Variants in CHRNA7 observed in about 807,000 individuals in gnomAD.
The protein encoded by CHRNA7 is neuronal acetylcholine receptor subunit alpha-7.
Under a neutral mutation model 48.0 loss-of-function variants are expected in CHRNA7, and 17 were observed. The observed-to-expected ratio is 0.35, with a 90% CI of 0.24 to 0.53. CHRNA7 has a LOEUF of 0.53. CHRNA7 is among the 20% of genes least tolerant of loss of function. The pLI is 0.92. For missense variants in CHRNA7, 155 were observed against 577.7 expected, an observed-to-expected ratio of 0.27 and a Z score of 7.50; for synonymous variants, 75 against 242.3, an observed-to-expected ratio of 0.31 and a Z score of 6.41.
chr15:32,145,360 G>T (rs1207054456), intron 4 of CHRNA7, among the ~76,000 whole-genome samples: 1 of 152,144 alleles, frequency 6.6e-6, no homozygotes, highest in African/African-American at 2.4e-5. Flanking sequence ...CTCCCAGTCA[G>T]GCTACACGGG....
chr15:32,115,587 G>A (rs940210941), intron 4 of CHRNA7, among the ~76,000 whole-genome samples: 1 of 151,956 alleles, frequency 6.6e-6, no homozygotes, highest in Non-Finnish European at 1.5e-5. Flanking sequence ...TTATATGAGC[G>A]TCTTGCGGGG....
At chr15:32,111,633 T>C (rs1477472140) in intron 3 of CHRNA7, 157 bp from the exon 4 acceptor site, 4 of 566,288 alleles carry the variant, frequency 7.1e-6, no homozygotes, top group African/African-American at 3.8e-5. Context: ...TTGGAAAGGA[T>C]TTTTGAATTC....
At chr15:32,081,540 A>G (rs1285659003) in intron 2 of CHRNA7, among the ~76,000 whole-genome samples, 2 of 152,060 alleles carry the variant, frequency 1.3e-5, no homozygotes, top group South Asian at 2.1e-4. Context: ...GTAATACTCT[A>G]TTGTTTGAAT....
At chr15:32,089,500 A>G (rs1460933580) in intron 2 of CHRNA7, among the ~76,000 whole-genome samples, 3 of 152,166 alleles carry the variant, frequency 2.0e-5, no homozygotes, top group African/African-American at 7.2e-5. Context: ...TTCAAATTGC[A>G]TACAGGCATT....
chr15:32,153,008 C>T (rs972680496), intron 4 of CHRNA7, among the ~76,000 whole-genome samples: 23 of 152,068 alleles, frequency 1.5e-4, no homozygotes, highest in Admixed American at 9.8e-4. Context: ...GTCTAAAACT[C>T]GCACTTACTT....
chr15:32,137,031 C>CAAAAAAAAAA (rs775166263), intron 4 of CHRNA7, among the ~76,000 whole-genome samples: 19 of 63,812 alleles, frequency 3.0e-4, no homozygotes, highest in African/African-American at 6.8e-4. Flanking sequence ...GACTCCGTCT[C>CAAAAAAAAAA]AAAAAAAAAA....
chr15:32,030,631 G>A lies in CHRNA7; in HGVS notation c.37G>A (p.Ala13Thr). The A allele has an allele frequency of 6.4e-7, 1 of 1,571,278 alleles. No homozygotes were observed. The change falls in exon 1 of 10, where the codon GCC becomes ACC. Residue 13 changes from alanine (A) to threonine (T), a missense_variant. By Grantham distance (58) the Ala-to-Thr change is moderately conservative. Transcript: ENST00000306901. ...CSPGGVWLAL[A>T]ASLLHVSLQG... is the part of the protein sequence containing the mutation. ...GCCGGGAGGCGTCTGGCTGGCGCTG[G>A]CCGCGTCGCTCCTGCACGGTAAAGC...
At chr15:32,092,381 C>T (rs1047950442) in intron 2 of CHRNA7, among the ~76,000 whole-genome samples, 5 of 152,134 alleles carry the variant, frequency 3.3e-5, no homozygotes, top group Non-Finnish European at 5.9e-5. Flanking sequence ...GAAGCATGCC[C>T]TTCTTATTTG....
At chr15:32,035,003 G>A (rs1305091948) in intron 2 of CHRNA7, among the ~76,000 whole-genome samples, 1 of 152,118 alleles carries the variant, frequency 6.6e-6, no homozygotes. Context: ...TGTGGAGAAG[G>A]GGGCAGATTT....
At chr15:32,080,897 T>G (rs186698787) in intron 2 of CHRNA7, among the ~76,000 whole-genome samples, 8 of 152,286 alleles carry the variant, frequency 5.3e-5, no homozygotes, top group Middle Eastern at 3.4e-3. Flanking sequence ...TCAACCCAAA[T>G]TCTCATCAAT....
chr15:32,081,910 A>G (rs907873941), intron 2 of CHRNA7, among the ~76,000 whole-genome samples: 4 of 152,034 alleles, frequency 2.6e-5, no homozygotes, highest in African/African-American at 9.7e-5. Context: ...TGGCAACACA[A>G]TCTTTTAGTT....
intron 2 of CHRNA7, among the ~76,000 whole-genome samples, chr15:32,045,673 AT>A (rs1053469861): frequency 4.7e-4 from 71 of 150,174 alleles, no homozygotes; most frequent in South Asian, 2.1e-4. Context: ...AGTAGCTGGT[AT>A]TTTTTTTTAA....
intron 2 of CHRNA7, among the ~76,000 whole-genome samples, chr15:32,043,157 C>T (rs2049478198): frequency 6.6e-6 from 1 of 152,166 alleles, no homozygotes; most frequent in Admixed American, 6.5e-5. Context: ...TAAACAAATA[C>T]AGATTTTAAA....
intron 4 of CHRNA7, among the ~76,000 whole-genome samples, chr15:32,132,774 G>C (rs2141320242): frequency 6.6e-6 from 1 of 152,146 alleles, no homozygotes; most frequent in African/African-American, 2.4e-5. Flanking sequence ...TTTAACCCTG[G>C]TCAGCTCTTG....
chr15:32,149,723 G>GAAATCACTGAGTCAC lies in CHRNA7; in HGVS notation c.351-4167_351-4153dup, dbSNP rs922927901. 7.9e-5 allele frequency among the ~76,000 whole-genome samples: 12 copies of GAAATCACTGAGTCAC among 152,228 alleles called. No individual in the cohort carries two copies. Among genetic ancestry groups the GAAATCACTGAGTCAC allele is most frequent in the African/African-American group, 2.6e-4 (11 of 41,540 alleles). On this transcript the variant is annotated intron_variant, in intron 4 of 9. Transcript: ENST00000306901. The surrounding 1 kb of genome is among the most constrained non-coding windows in gnomAD (Gnocchi z 4.6). Reference sequence around the variant, plus strand: ...ATTCTGTTTGGATGAAAAACATTCAGAAATCACTGAGTCACAAATCACTGA... The same window carrying GAAATCACTGAGTCAC: ...ATTCTGTTTGGATGAAAAACATTCAGAAATCACTGAGTCACAAATCACTGAGTCACAAATCACTGA...
At chr15:32,035,476 C>G (rs758915407) in intron 2 of CHRNA7, among the ~76,000 whole-genome samples, 1 of 152,164 alleles carries the variant, frequency 6.6e-6, no homozygotes, top group Non-Finnish European at 1.5e-5. Flanking sequence ...AATGCAGACT[C>G]AGCTTTTTGG....
chr15:32,068,278 T>C (rs945101259), intron 2 of CHRNA7, among the ~76,000 whole-genome samples: 3 of 152,028 alleles, frequency 2.0e-5, no homozygotes, highest in African/African-American at 7.2e-5. Context: ...CACTGCACTC[T>C]AGCCTGGGTA....
intron 4 of CHRNA7, among the ~76,000 whole-genome samples, chr15:32,138,223 T>C (rs1435025781): frequency 6.6e-6 from 1 of 152,118 alleles, no homozygotes; most frequent in East Asian, 1.9e-4. Context: ...AAACATTTAC[T>C]GGATATAAAA....
chr15:32,052,838 A>G (rs546773716), intron 2 of CHRNA7, among the ~76,000 whole-genome samples: 7 of 152,220 alleles, frequency 4.6e-5, no homozygotes, highest in Non-Finnish European at 1.0e-4. Context: ...ATAGTTAACA[A>G]TAATTTATTG....
Sources: gnomAD v4.1 joint callset for allele counts (sites outside exome capture counted in the v4.1 genomes callset) on GRCh38, gnomAD v4.1.1 for gene constraint, Gnocchi (gnomAD v3.1) non-coding constraint, MANE v1.5 for transcripts, NCBI Gene and HGNC (gene_info 2026-07-23, HGNC 2026-07-21) for gene names.